The following SGIP1 variants were observed in gnomAD, a reference collection of about 807,000 sequenced individuals.
SGIP1 encodes SH3-containing GRB2-like protein 3-interacting protein 1.
In SGIP1, 38 loss-of-function variants were observed where a neutral mutation model predicts 107.5. The ratio of observed to expected loss-of-function variants is 0.35; its 90% CI spans 0.27 to 0.46. SGIP1 has a LOEUF of 0.46. Among genes scored for constraint, SGIP1 ranks in the 20% least tolerant of loss-of-function variants. SGIP1 has a pLI of 1.00. For missense variants in SGIP1, 929 were observed against 1,019.5 expected, an observed-to-expected ratio of 0.91 and a Z score of 1.21; for synonymous variants, 365 against 366.1, an observed-to-expected ratio of 1.00 and a Z score of 0.03.
intron 1 of SGIP1, among the ~76,000 whole-genome samples, chr1:66,588,247 T>C (rs947282004): frequency 6.6e-6 from 1 of 152,026 alleles, no homozygotes; most frequent in Non-Finnish European, 1.5e-5. Flanking sequence ...CCATATATAT[T>C]TGTCTCCTTG....
chr1:66,536,016 T>C (rs1463497057), intron 1 of SGIP1, among the ~76,000 whole-genome samples: 3 of 152,226 alleles, frequency 2.0e-5, no homozygotes, highest in Non-Finnish European at 2.9e-5. Context: ...CTAAAGTATC[T>C]TCTTTGAAGG....
chr1:66,566,665 T>C (rs1038023269), intron 1 of SGIP1, among the ~76,000 whole-genome samples: 10 of 151,982 alleles, frequency 6.6e-5, no homozygotes, highest in African/African-American at 2.2e-4. Context: ...TGTTTTATTG[T>C]TTTTGCCTTC....
At chr1:66,541,628 A>AT (rs1417621169) in intron 1 of SGIP1, among the ~76,000 whole-genome samples, 2 of 152,100 alleles carry the variant, frequency 1.3e-5, no homozygotes, top group African/African-American at 4.8e-5. Flanking sequence ...TTTCATTTTT[A>AT]TTTTTGGTTC....
intron 1 of SGIP1, among the ~76,000 whole-genome samples, chr1:66,604,442 A>AC (rs1422427640): frequency 5.3e-5 from 8 of 152,184 alleles, no homozygotes; most frequent in Admixed American, 1.3e-4. Flanking sequence ...GAAAATACCA[A>AC]AAGAGTCAAA....
chr1:66,690,134 G>A (rs2089493981), intron 16 of SGIP1, 56 bp from the exon 17 acceptor site: 2 of 1,600,566 alleles, frequency 1.2e-6, no homozygotes, highest in East Asian at 2.2e-5. Context: ...AAAATATGGA[G>A]CAAAAATACT....
At chr1:66,636,936 A>G (rs1215357188) in intron 4 of SGIP1, among the ~76,000 whole-genome samples, 1 of 152,176 alleles carries the variant, frequency 6.6e-6, no homozygotes, top group African/African-American at 2.4e-5. Flanking sequence ...TAAAATACCT[A>G]TGAAGACATG....
intron 1 of SGIP1, among the ~76,000 whole-genome samples, chr1:66,614,980 C>T (rs992381053): frequency 1.3e-5 from 2 of 151,134 alleles, no homozygotes; most frequent in Non-Finnish European, 3.0e-5. Context: ...CCACCACGCC[C>T]GGCTAATTTT....
At chr1:66,662,885 A>G (rs1006547228) in intron 8 of SGIP1, among the ~76,000 whole-genome samples, 1 of 152,226 alleles carries the variant, frequency 6.6e-6, no homozygotes, top group Admixed American at 6.5e-5. Flanking sequence ...GTAATCAGAC[A>G]TAGAAATATA....
chr1:66,715,210 T>C (rs1477913453), intron 18 of SGIP1, among the ~76,000 whole-genome samples: 1 of 152,090 alleles, frequency 6.6e-6, no homozygotes, highest in East Asian at 1.9e-4. Context: ...GAATAACAAA[T>C]AGTTGTGGAA....
chr1:66,665,815 GTTAT>G (rs2082415589), intron 8 of SGIP1: 1 of 152,138 alleles, frequency 6.6e-6, no homozygotes, highest in Admixed American at 6.5e-5. Context: ...TTTTGATGGG[GTTAT>G]TTGATTTTTT....
At chr1:66,569,527 G>A (rs1279867983) in intron 1 of SGIP1, among the ~76,000 whole-genome samples, 2 of 151,772 alleles carry the variant, frequency 1.3e-5, no homozygotes, top group Non-Finnish European at 2.9e-5. Flanking sequence ...TGATGTAATG[G>A]ATTATTTTAG....
chr1:66,713,481 G>A (rs756697056), intron 18 of SGIP1, among the ~76,000 whole-genome samples: 1 of 152,110 alleles, frequency 6.6e-6, no homozygotes, highest in African/African-American at 2.4e-5. Flanking sequence ...TTTGATTTTT[G>A]TTGTTATTGA....
chr1:66,612,417 T>A (rs2068221907), intron 1 of SGIP1, among the ~76,000 whole-genome samples: 1 of 152,224 alleles, frequency 6.6e-6, no homozygotes, highest in South Asian at 2.1e-4. Context: ...TTGGATGGTT[T>A]GTGAAGAGAT....
In SGIP1 at chr1:66,749,683, A is replaced by G. The variant is rs912672908; in HGVS notation, c.*6588A>G. Among the ~76,000 whole-genome samples, 36 of 152,074 alleles carry G rather than the reference A, an allele frequency of 2.4e-4. No individual in the cohort carries two copies. Among genetic ancestry groups the G allele is most frequent in the Admixed American group, 1.9e-3 (29 of 15,280 alleles). On this transcript the variant is annotated 3_prime_UTR_variant, in exon 25 of 25. Transcript: ENST00000371037. ...GCCATTTATAATTTTTAAACGTTCC[A>G]TTGAATGAGTATATCATACAAATGT...
intron 20 of SGIP1, among the ~76,000 whole-genome samples, chr1:66,731,190 G>T (rs909968206): frequency 2.0e-5 from 3 of 152,096 alleles, no homozygotes; most frequent in African/African-American, 7.2e-5. Context: ...TGTGCAAACC[G>T]TGAGGGAATG....
chr1:66,640,428 A>G (rs943722066), intron 5 of SGIP1, among the ~76,000 whole-genome samples: 15 of 152,214 alleles, frequency 9.9e-5, no homozygotes, highest in Non-Finnish European at 2.1e-4. Context: ...TTTTGGCAGG[A>G]AAGGCTTCAG....
chr1:66,621,539 T>A (rs1158183531), intron 1 of SGIP1, among the ~76,000 whole-genome samples: 3 of 152,200 alleles, frequency 2.0e-5, no homozygotes, highest in Non-Finnish European at 4.4e-5. Flanking sequence ...ATAACCACCA[T>A]CAAGTTCCAG....
At chr1:66,538,463 G>A (rs574746116) in intron 1 of SGIP1, among the ~76,000 whole-genome samples, 2 of 152,124 alleles carry the variant, frequency 1.3e-5, no homozygotes, top group African/African-American at 4.8e-5. Flanking sequence ...AATGTCAGGG[G>A]TCATCTTTAT....
At chr1:66,540,073 T>C (rs1571002826) in intron 1 of SGIP1, among the ~76,000 whole-genome samples, 2 of 152,186 alleles carry the variant, frequency 1.3e-5, no homozygotes, top group East Asian at 3.8e-4. Context: ...CTATTCATTA[T>C]TAGGTATTAT....
Sources: allele counts gnomAD v4.1 joint callset (sites outside exome capture counted in the v4.1 genomes callset), GRCh38; gene constraint gnomAD v4.1.1; transcripts MANE v1.5; gene names NCBI Gene and HGNC (gene_info 2026-07-23, HGNC 2026-07-21).